Variants in USP32 observed in about 807,000 individuals in gnomAD.
USP32 encodes the protein ubiquitin specific peptidase 32.
In USP32, 59 loss-of-function variants were observed where a neutral mutation model predicts 204.8. That is an observed-to-expected ratio of 0.29 (90% confidence interval 0.23 to 0.36). USP32 has a LOEUF of 0.36. Among genes scored for constraint, USP32 ranks in the 10% least tolerant of loss-of-function variants. The pLI is 1.00. For missense variants in USP32, 1,160 were observed against 1,946.4 expected (o/e 0.60, Z 7.60); for synonymous variants, 517 against 678.4 (o/e 0.76, Z 3.70).
At chr17:60,308,655 C>T (rs960063730) in intron 2 of USP32, among the ~76,000 whole-genome samples, 2 of 152,176 alleles carry the variant, frequency 1.3e-5, no homozygotes, top group East Asian at 1.9e-4. Context: ...AGGCTGGATG[C>T]GGTGGCTCAT....
rs1488400079 is a variant in USP32, at chr17:60,183,415, C to T, written c.3873G>A (p.Arg1291=). 1.2e-6 allele frequency: 2 copies of T among 1,612,208 alleles called. No individual in the cohort carries two copies. The highest frequency in any genetic ancestry group is 8.5e-7 in the Non-Finnish European group (1 of 1,178,878). ...TGACAATTTTCTGTGATTTTATCCA[C>T]CGACCATTTACAAATTGAAATCGCT... ...HLKRFQFVNG[R]WIKSQKIVKF... is the part of the protein sequence containing the mutation. The change falls in exon 31 of 34, where the codon CGG becomes CGA. Residue 1291 remains arginine, a synonymous_variant. Coordinates refer to ENST00000300896, the MANE Select transcript of USP32 (RefSeq NM_032582.4).
chr17:60,307,900 G>A (rs1455226433), intron 2 of USP32, among the ~76,000 whole-genome samples: 1 of 152,236 alleles, frequency 6.6e-6, no homozygotes, highest in Admixed American at 6.5e-5. Context: ...CGCACAAGTG[G>A]CTGGACGTCC....
intron 2 of USP32, among the ~76,000 whole-genome samples, chr17:60,341,986 C>CT (rs2088670910): frequency 6.6e-6 from 1 of 152,166 alleles, no homozygotes; most frequent in Non-Finnish European, 1.5e-5. Flanking sequence ...ATGAGGTACT[C>CT]TGATTTTTAG....
intron 29 of USP32, among the ~76,000 whole-genome samples, chr17:60,186,706 GAC>G (rs756210335): frequency 2.0e-5 from 3 of 152,208 alleles, no homozygotes; most frequent in Non-Finnish European, 4.4e-5. Context: ...TATAAGAAAG[GAC>G]AGAGAGCAAA....
At chr17:60,257,903 G>C (rs2145733807) in intron 9 of USP32, 2 of 152,168 alleles carry the variant, frequency 1.3e-5, no homozygotes, top group Admixed American at 1.3e-4. Flanking sequence ...TTACTAAGTT[G>C]CTTTTTTTCG....
chr17:60,282,703 C>T (rs762155526), intron 5 of USP32, among the ~76,000 whole-genome samples: 2 of 152,170 alleles, frequency 1.3e-5, no homozygotes, highest in Non-Finnish European at 2.9e-5. Context: ...GTTGTTAAAC[C>T]TTATTTAAAC....
intron 5 of USP32, among the ~76,000 whole-genome samples, chr17:60,286,590 C>A (rs1316987515): frequency 6.6e-6 from 1 of 152,222 alleles, no homozygotes; most frequent in Non-Finnish European, 1.5e-5. Context: ...AAAGGATACT[C>A]CTGAGTTCCT....
At position 60,243,589 on chromosome 17, in the gene USP32, A is replaced by C. The variant is rs75598302; in HGVS notation, c.1137-7349T>G. Among the ~76,000 whole-genome samples the C allele has an allele frequency of 1.1e-3, 168 of 152,292 alleles. 1 individual carries two copies. The highest frequency in any genetic ancestry group is 3.1e-3 in the African/African-American group (128 of 41,582). On this transcript the variant is annotated intron_variant, in intron 11 of 33. Transcript: ENST00000300896. Reference sequence around the variant, plus strand: ...GTTATTTATGTACACTGAAATGTGAATTTTATATAATTGTAAGGTGTCACA... The same window carrying C: ...GTTATTTATGTACACTGAAATGTGACTTTTATATAATTGTAAGGTGTCACA...
intron 9 of USP32, among the ~76,000 whole-genome samples, chr17:60,264,951 C>T (rs1326391140): frequency 1.3e-5 from 2 of 151,440 alleles, no homozygotes; most frequent in African/African-American, 2.4e-5. Flanking sequence ...GATATCCTTA[C>T]GGTTGTTCCC....
intron 11 of USP32, among the ~76,000 whole-genome samples, chr17:60,242,916 A>G (rs187956618): frequency 6.6e-6 from 1 of 152,320 alleles, no homozygotes; most frequent in Admixed American, 6.5e-5. Flanking sequence ...TTTATAGAAA[A>G]AAGCTGGGAT....
chr17:60,267,530 T>C (rs1240214754), intron 7 of USP32, among the ~76,000 whole-genome samples: 1 of 152,146 alleles, frequency 6.6e-6, no homozygotes, highest in Non-Finnish European at 1.5e-5. Flanking sequence ...TTAACTCTTT[T>C]TTTTTTCTTT....
chr17:60,281,630 T>G (rs969474363), intron 5 of USP32, among the ~76,000 whole-genome samples: 1 of 152,138 alleles, frequency 6.6e-6, no homozygotes, highest in Non-Finnish European at 1.5e-5. Flanking sequence ...TGAAACAGCC[T>G]TATAAGGTAA....
intron 6 of USP32, among the ~76,000 whole-genome samples, 188 bp downstream of exon 6, chr17:60,271,162 G>A (rs1398198928): frequency 6.6e-6 from 1 of 152,140 alleles, no homozygotes; most frequent in East Asian, 1.9e-4. Flanking sequence ...ATTTATGCAA[G>A]GTTATAACAG....
rs766676328 is a variant in USP32, at chr17:60,183,390, T to C, written c.3898A>G (p.Lys1300Glu). 2.6e-5 allele frequency: 42 copies of C among 1,613,564 alleles called. No individual in the cohort carries two copies. Among genetic ancestry groups the C allele is most frequent in the Non-Finnish European group, 2.7e-5 (32 of 1,179,696 alleles). Residue 1300 changes from lysine (K) to glutamate (E), a missense_variant, in exon 31 of 34, where the codon AAA (lysine) becomes GAA (glutamate). By Grantham distance (56) the Lys-to-Glu change is moderately conservative. Coordinates refer to ENST00000300896, the MANE Select transcript of USP32 (RefSeq NM_032582.4). ...GGATCAAAACTTTCCCGAGGAAATT[T>C]GACAATTTTCTGTGATTTTATCCAC... ...GRWIKSQKIVKFPRESFDPSA... is the reference protein window; with the variant it reads ...GRWIKSQKIVEFPRESFDPSA...
At chr17:60,217,906 T>C (rs1456196284) in intron 16 of USP32, among the ~76,000 whole-genome samples, 1 of 151,264 alleles carries the variant, frequency 6.6e-6, no homozygotes, top group Non-Finnish European at 1.5e-5. Flanking sequence ...CCAGCTAATT[T>C]AAACAATTTT....
chr17:60,311,585 G>A (rs183686173), intron 2 of USP32, among the ~76,000 whole-genome samples: 13 of 152,332 alleles, frequency 8.5e-5, no homozygotes, highest in Middle Eastern at 3.4e-3. Context: ...CACTTTGGGA[G>A]GCCGAGGATG....
At chr17:60,198,483 A>G in intron 26 of USP32, 39 bp from the exon 27 acceptor site, 1 of 1,604,510 alleles carries the variant, frequency 6.2e-7, no homozygotes, top group Non-Finnish European at 8.5e-7. Context: ...TTCAGAAGAC[A>G]GGCCTCTGAT....
chr17:60,352,045 T>C (rs1445833875), intron 1 of USP32, among the ~76,000 whole-genome samples: 1 of 151,928 alleles, frequency 6.6e-6, no homozygotes. Flanking sequence ...ATAAATGGAG[T>C]ACAGGGTATA....
At chr17:60,264,089 T>C (rs1205728224) in intron 9 of USP32, among the ~76,000 whole-genome samples, 1 of 152,156 alleles carries the variant, frequency 6.6e-6, no homozygotes, top group Non-Finnish European at 1.5e-5. Flanking sequence ...TATGATAACA[T>C]TACTAATAAA....
Sources: allele counts gnomAD v4.1 joint callset (sites outside exome capture counted in the v4.1 genomes callset), GRCh38; gene constraint gnomAD v4.1.1; transcripts MANE v1.5; gene names NCBI Gene and HGNC (gene_info 2026-07-23, HGNC 2026-07-21).